The following MAP2K1 variants were observed in gnomAD, a reference collection of about 807,000 sequenced individuals.
The protein encoded by MAP2K1 is dual specificity mitogen-activated protein kinase kinase 1.
A neutral mutation model predicts 46.3 loss-of-function variants in MAP2K1; 16 were observed. The observed-to-expected ratio is 0.35, with a 90% CI of 0.23 to 0.52. The LOEUF (loss-of-function observed/expected upper bound fraction) is 0.52. MAP2K1 is among the 20% of genes least tolerant of loss of function. The pLI is 0.94. For missense variants in MAP2K1, 263 were observed against 497.1 expected (o/e 0.53, Z 4.48); for synonymous variants, 183 against 185.6 (o/e 0.99, Z 0.11).
intron 1 of MAP2K1, among the ~76,000 whole-genome samples, chr15:66,434,496 T>A (rs572998511): frequency 1.3e-5 from 2 of 152,332 alleles, no homozygotes; most frequent in African/African-American, 4.8e-5. Flanking sequence ...ATTTTAGATA[T>A]GTAATTTTTA....
intron 5 of MAP2K1, among the ~76,000 whole-genome samples, chr15:66,457,586 C>G (rs1892199401): frequency 6.6e-6 from 1 of 152,244 alleles, no homozygotes. Flanking sequence ...ACTCTCTGGT[C>G]CTTTTTTTAT....
chr15:66,426,970 C>A (rs1018948572), intron 1 of MAP2K1, among the ~76,000 whole-genome samples: 2 of 152,182 alleles, frequency 1.3e-5, no homozygotes, highest in Non-Finnish European at 2.9e-5. Context: ...TTACTTCTTG[C>A]CTGCATATAA....
At chr15:66,420,735 G>A (rs1334814570) in intron 1 of MAP2K1, among the ~76,000 whole-genome samples, 8,243 of 30,652 alleles carry the variant, frequency 0.27, 1,906 homozygotes, top group Non-Finnish European at 0.32. Context: ...GTGTGTGTGT[G>A]TGTGTGTGTG....
chr15:66,475,289 G>A (rs939699570), intron 5 of MAP2K1, among the ~76,000 whole-genome samples: 2 of 152,142 alleles, frequency 1.3e-5, no homozygotes, highest in East Asian at 1.9e-4. Flanking sequence ...CTTTGCCAAG[G>A]ATACTAAGAA....
At chr15:66,490,157 C>G in intron 10 of MAP2K1, 1 of 510,434 alleles carries the variant, frequency 2.0e-6, no homozygotes, top group Non-Finnish European at 3.6e-6. Flanking sequence ...CTGTAAATAT[C>G]TGGACAGCCA....
chr15:66,407,016 A>C lies in MAP2K1; in HGVS notation c.80+19589A>C, dbSNP rs147150445. ...TGTCTCAAAACAAAACAAAACAAAA[A>C]AAAAGATTGTGGCAACAGCTGGAAG... On this transcript the variant is annotated intron_variant, in intron 1 of 10. Transcript: ENST00000307102. 2.4e-3 allele frequency among the ~76,000 whole-genome samples: 359 copies of C among 152,276 alleles called. 1 individual carries two copies. Among genetic ancestry groups the C allele is most frequent in the Middle Eastern group, 6.8e-3 (2 of 294 alleles).
chr15:66,488,990 C>T (rs953619225), intron 8 of MAP2K1: 13 of 604,708 alleles, frequency 2.1e-5, no homozygotes, highest in Non-Finnish European at 3.8e-5. Context: ...GGTCCCAATT[C>T]TAAATGTGCT....
intron 1 of MAP2K1, among the ~76,000 whole-genome samples, chr15:66,401,075 A>G (rs2093380642): frequency 6.6e-6 from 1 of 152,246 alleles, no homozygotes; most frequent in Non-Finnish European, 1.5e-5. Context: ...ACACATGGAC[A>G]TAATCCTCAT....
intron 1 of MAP2K1, among the ~76,000 whole-genome samples, chr15:66,429,340 G>A (rs1426642636): frequency 6.6e-6 from 1 of 151,094 alleles, no homozygotes; most frequent in South Asian, 2.1e-4. Context: ...GCTCTCATGA[G>A]AATTCACTCA....
intron 8 of MAP2K1, 145 bp downstream of exon 8, chr15:66,487,437 G>A (rs1893080106): frequency 6.5e-6 from 5 of 772,442 alleles, no homozygotes; most frequent in Admixed American, 1.9e-5. Context: ...TGAGGAGTTC[G>A]AGACCAGCCT....
intron 1 of MAP2K1, among the ~76,000 whole-genome samples, chr15:66,394,160 A>G (rs1444434866): frequency 1.3e-5 from 2 of 152,200 alleles, no homozygotes; most frequent in Non-Finnish European, 2.9e-5. Context: ...TTGAAGATGT[A>G]TAAAATTTCT....
chr15:66,413,669 C>T (rs1018532641), intron 1 of MAP2K1, among the ~76,000 whole-genome samples: 5 of 151,776 alleles, frequency 3.3e-5, no homozygotes, highest in African/African-American at 7.3e-5. Flanking sequence ...ATACCTCACA[C>T]TGGGTTAGAC....
intron 5 of MAP2K1, among the ~76,000 whole-genome samples, chr15:66,461,472 GTCTC>G (rs1272147558): frequency 8.4e-6 from 1 of 118,810 alleles, no homozygotes; most frequent in African/African-American, 3.3e-5. Flanking sequence ...GTGAGACTCT[GTCTC>G]TAAATAAATA....
chr15:66,452,282 T>A (rs1220597028), intron 5 of MAP2K1, among the ~76,000 whole-genome samples: 4 of 20,400 alleles, frequency 2.0e-4, no homozygotes, highest in Admixed American at 2.1e-3. Flanking sequence ...AAACTTAGAG[T>A]ATAATAAAAA....
At chr15:66,455,249 AT>A in intron 5 of MAP2K1, among the ~76,000 whole-genome samples, 1 of 152,248 alleles carries the variant, frequency 6.6e-6, no homozygotes, top group African/African-American at 2.4e-5. Flanking sequence ...GTTGAAAGTG[AT>A]TTCTGAGTGT....
At chr15:66,390,793 C>A (rs912317643) in intron 1 of MAP2K1, among the ~76,000 whole-genome samples, 1 of 152,082 alleles carries the variant, frequency 6.6e-6, no homozygotes, top group Non-Finnish European at 1.5e-5. Flanking sequence ...CCCACCACCC[C>A]CTCCCACCAA....
At chr15:66,400,904 T>G (rs548826427) in intron 1 of MAP2K1, among the ~76,000 whole-genome samples, 77 of 152,300 alleles carry the variant, frequency 5.1e-4, no homozygotes, top group African/African-American at 1.8e-3. Context: ...CCCCTCCCTT[T>G]GAATAGTTGC....
At chr15:66,468,697 CCGAGG>C (rs1892529420) in intron 5 of MAP2K1, among the ~76,000 whole-genome samples, 1 of 152,070 alleles carries the variant, frequency 6.6e-6, no homozygotes, top group South Asian at 2.1e-4. Flanking sequence ...CTTTGGGAGG[CCGAGG>C]TGGGCGGATC....
At chr15:66,475,796 G>A (rs1435364466) in intron 5 of MAP2K1, among the ~76,000 whole-genome samples, 2 of 152,126 alleles carry the variant, frequency 1.3e-5, no homozygotes, top group African/African-American at 4.8e-5. Context: ...ACGTGCACAT[G>A]TTCTTGTCAT....
Sources: allele counts gnomAD v4.1 joint callset (sites outside exome capture counted in the v4.1 genomes callset), GRCh38; gene constraint gnomAD v4.1.1; transcripts MANE v1.5; gene names NCBI Gene and HGNC (gene_info 2026-07-23, HGNC 2026-07-21).